Variants in DLC1 observed in about 807,000 individuals in gnomAD.
DLC1 encodes DLC1 Rho GTPase activating protein, also known as rho GTPase-activating protein 7.
A neutral mutation model predicts 140.3 loss-of-function variants in DLC1; 54 were observed. The observed-to-expected ratio is 0.38, with a 90% CI of 0.31 to 0.48. The LOEUF (loss-of-function observed/expected upper bound fraction) is 0.48. Among genes scored for constraint, DLC1 ranks in the 20% least tolerant of loss-of-function variants. The pLI is 0.96. For synonymous variants in DLC1, 986 were observed against 728.1 expected (o/e 1.35, Z -5.70); for missense variants, 2,536 against 1,907.0 (o/e 1.33, Z -6.14).
chr8:13,354,381 C>G (rs1729158), intron 4 of DLC1, among the ~76,000 whole-genome samples: 114,114 of 151,962 alleles, frequency 0.75, 43,360 homozygotes, highest in Non-Finnish European at 0.8. Context: ...TGAGACTATC[C>G]TCCTCGCCTT....
At chr8:13,319,143 T>A (rs952406023) in intron 4 of DLC1, among the ~76,000 whole-genome samples, 1 of 152,206 alleles carries the variant, frequency 6.6e-6, no homozygotes, top group Non-Finnish European at 1.5e-5. Flanking sequence ...ATTGGTTCAG[T>A]AGCTGTGTAG....
chr8:13,489,319 C>A (rs1005272487), intron 2 of DLC1, among the ~76,000 whole-genome samples: 41 of 151,332 alleles, frequency 2.7e-4, no homozygotes, highest in Non-Finnish European at 5.9e-5. Flanking sequence ...TCAGTTCTCT[C>A]TTGAATTTGT....
intron 5 of DLC1, among the ~76,000 whole-genome samples, chr8:13,163,002 A>G (rs1238404752): frequency 6.6e-6 from 1 of 152,116 alleles, no homozygotes; most frequent in African/African-American, 2.4e-5. Flanking sequence ...AGTCATTGCC[A>G]TTGTCTGTAC....
At chr8:13,415,681 G>A (rs915094319) in intron 2 of DLC1, among the ~76,000 whole-genome samples, 1 of 152,146 alleles carries the variant, frequency 6.6e-6, no homozygotes, top group African/African-American at 2.4e-5. Context: ...TTACAGGCAT[G>A]AGCCACTGCA....
chr8:13,120,835 C>T lies in DLC1; in HGVS notation c.1349-5178G>A, dbSNP rs556558664. On this transcript the variant is annotated intron_variant, in intron 5 of 17. Coordinates refer to ENST00000276297, the MANE Select transcript of DLC1 (RefSeq NM_182643.3). ...ACCATTAGGCCATATTTGCACATTT[C>T]CTGGCATGACGGGATGATCCTGTCT... 2.0e-5 allele frequency among the ~76,000 whole-genome samples: 3 copies of T among 152,226 alleles called. No homozygotes were observed. In the East Asian group the frequency reaches 5.8e-4, roughly 29 times the overall value.
At chr8:13,279,822 A>G (rs1831304222) in intron 5 of DLC1, among the ~76,000 whole-genome samples, 1 of 152,192 alleles carries the variant, frequency 6.6e-6, no homozygotes, top group Non-Finnish European at 1.5e-5. Flanking sequence ...CTTAGACAAT[A>G]ATTTCTCAAG....
At chr8:13,461,751 C>G (rs1301497731) in intron 2 of DLC1, among the ~76,000 whole-genome samples, 1 of 152,196 alleles carries the variant, frequency 6.6e-6, no homozygotes, top group African/African-American at 2.4e-5. Context: ...GACTTACCCA[C>G]CCAGGATCTC....
At chr8:13,312,038 T>C (rs73562520) in intron 4 of DLC1, among the ~76,000 whole-genome samples, 11,553 of 152,204 alleles carry the variant, frequency 0.076, 509 homozygotes, top group South Asian at 0.1. Context: ...CTAAAATAAA[T>C]TCTAATCATT....
At chr8:13,403,085 C>G (rs774739445) in intron 2 of DLC1, among the ~76,000 whole-genome samples, 1 of 152,192 alleles carries the variant, frequency 6.6e-6, no homozygotes, top group African/African-American at 2.4e-5. Context: ...CCTGTTTTCA[C>G]AAAGACAGAT....
At chr8:13,506,581 G>GTGTGTGTGTGTATATA (rs1246764417) in intron 1 of DLC1, among the ~76,000 whole-genome samples, 36 of 131,122 alleles carry the variant, frequency 2.7e-4, no homozygotes, top group African/African-American at 9.9e-4. Flanking sequence ...GTGTGTGTGT[G>GTGTGTGTGTGTATATA]TATATATATA....
At chr8:13,379,247 T>A (rs934163829) in intron 4 of DLC1, among the ~76,000 whole-genome samples, 1 of 152,206 alleles carries the variant, frequency 6.6e-6, no homozygotes, top group Non-Finnish European at 1.5e-5. Context: ...GGAGTCAGCC[T>A]GGCCTAATTG....
intron 17 of DLC1, 80 bp from the exon 18 acceptor site, chr8:13,086,011 T>C: frequency 5.1e-6 from 8 of 1,568,044 alleles, no homozygotes; most frequent in Middle Eastern, 1.7e-4. Flanking sequence ...ATCTGTTTGC[T>C]AGTTCAAATG....
chr8:13,368,406 C>G (rs959284966), intron 4 of DLC1, among the ~76,000 whole-genome samples: 3 of 152,098 alleles, frequency 2.0e-5, no homozygotes, highest in Non-Finnish European at 4.4e-5. Flanking sequence ...TGCCTTGCAC[C>G]TCAGGCAGCA....
At chr8:13,426,003 G>T (rs1029112865) in intron 2 of DLC1, among the ~76,000 whole-genome samples, 1 of 152,148 alleles carries the variant, frequency 6.6e-6, no homozygotes, top group Non-Finnish European at 1.5e-5. Context: ...TGTAGGGACA[G>T]GGTCTGGGTA....
chr8:13,599,720 C>G (rs981399474), intron 1 of DLC1, among the ~76,000 whole-genome samples: 2 of 151,906 alleles, frequency 1.3e-5, no homozygotes, highest in Non-Finnish European at 2.9e-5. Flanking sequence ...ATGATGTCAA[C>G]TCTATCCAAA....
chr8:13,553,567 G>A (rs62492126), intron 1 of DLC1, among the ~76,000 whole-genome samples: 13,912 of 151,800 alleles, frequency 0.092, 938 homozygotes, highest in East Asian at 0.28. Flanking sequence ...GCTCAAGCTG[G>A]TCTCAAACTC....
chr8:13,182,736 G>T (rs1218493952), intron 5 of DLC1, among the ~76,000 whole-genome samples: 1 of 152,162 alleles, frequency 6.6e-6, no homozygotes, highest in African/African-American at 2.4e-5. Flanking sequence ...TTGTAGTATA[G>T]TTTGAAGTCA....
At chr8:13,093,542 T>A (rs974876764) in intron 12 of DLC1, among the ~76,000 whole-genome samples, 6 of 152,216 alleles carry the variant, frequency 3.9e-5, no homozygotes, top group African/African-American at 1.2e-4. Flanking sequence ...TAGAAAATGC[T>A]GATCCCGATC....
chr8:13,387,425 A>G (rs1187794907), intron 4 of DLC1, among the ~76,000 whole-genome samples: 2 of 152,066 alleles, frequency 1.3e-5, no homozygotes, highest in African/African-American at 4.8e-5. Flanking sequence ...AGCTATCACT[A>G]AAAATTTGCC....
Sources: allele counts gnomAD v4.1 joint callset (sites outside exome capture counted in the v4.1 genomes callset), GRCh38; gene constraint gnomAD v4.1.1; transcripts MANE v1.5; gene names NCBI Gene and HGNC (gene_info 2026-07-23, HGNC 2026-07-21).